Variants in NUP58 observed in about 807,000 individuals in gnomAD.
NUP58 encodes the protein nucleoporin 58, also known as nucleoporin p58/p45.
A neutral mutation model predicts 70.1 loss-of-function variants in NUP58; 17 were observed. That is an observed-to-expected ratio of 0.24 (90% confidence interval 0.17 to 0.36). The LOEUF (loss-of-function observed/expected upper bound fraction) is 0.36. Among genes scored for constraint, NUP58 ranks in the 10% least tolerant of loss-of-function variants. The pLI is 1.00. For synonymous variants in NUP58, 275 were observed against 257.6 expected, an observed-to-expected ratio of 1.07 and a Z score of -0.65; for missense variants, 644 against 701.5, an observed-to-expected ratio of 0.92 and a Z score of 0.93.
chr13:25,343,805 G>GTATATA (rs59054918), downstream of NUP58, among the ~76,000 whole-genome samples: 119 of 137,654 alleles, frequency 8.6e-4, no homozygotes, highest in East Asian at 2.4e-3. Context: ...ACATATATAT[G>GTATATA]TATATATATA....
chr13:25,328,827 T>G (rs2031501951), intron 12 of NUP58, among the ~76,000 whole-genome samples: 1 of 152,194 alleles, frequency 6.6e-6, no homozygotes, highest in Non-Finnish European at 1.5e-5. Context: ...GTGTATGTGG[T>G]CCAAAATACC....
At chr13:25,304,714 G>C (rs188685273) in intron 1 of NUP58, among the ~76,000 whole-genome samples, 2 of 151,326 alleles carry the variant, frequency 1.3e-5, no homozygotes, top group Admixed American at 1.3e-4. Flanking sequence ...ATTTTTAGTA[G>C]AGATGGGGTT....
intron 6 of NUP58, among the ~76,000 whole-genome samples, chr13:25,317,411 T>A (rs1442156024): frequency 1.3e-5 from 2 of 152,164 alleles, no homozygotes; most frequent in Non-Finnish European, 2.9e-5. Flanking sequence ...AGGCAAGAAT[T>A]GTCATGGAGA....
At position 25,315,392 on chromosome 13, in the gene NUP58, A is replaced by G. The variant is rs140165964; in HGVS notation, c.610A>G (p.Thr204Ala). Residue 204 changes from threonine (T) to alanine (A), a missense_variant, in exon 6 of 16, where the codon ACT becomes GCT. Around this residue, in one of 4 missense-constraint regions of NUP58, gnomAD observed 430 missense variants for 409.2 expected, o/e 1.05. Coordinates refer to ENST00000381736, the MANE Select transcript of NUP58 (RefSeq NM_014089.4). ...GAATGCTTTAGGGTTGACTTTGGGA[A>G]CTACAGCAGCTACTTCAACTGCAGG... is the stretch of plus-strand genomic sequence containing the variant. The part of the protein sequence containing the change: ...GQNALGLTLG[T>A]TAATSTAGNE... The G allele has an allele frequency of 1.9e-6, 3 of 1,613,878 alleles. No homozygotes were observed. In the African/African-American group the frequency reaches 4.0e-5, roughly 22 times the overall value.
chr13:25,334,042 T>G, intron 13 of NUP58: 9 of 866,370 alleles, frequency 1.0e-5, no homozygotes, highest in Non-Finnish European at 1.1e-5. Flanking sequence ...CCTCCTTCAA[T>G]TTTTTTTTTA....
At chr13:25,333,463 C>G (rs889976858) in intron 13 of NUP58, 44 of 985,298 alleles carry the variant, frequency 4.5e-5, no homozygotes, top group Non-Finnish European at 4.5e-5. Context: ...TAAGGGCTTT[C>G]TCATCAGATG....
chr13:25,303,207 T>C (rs2030120600), intron 1 of NUP58: 1 of 415,216 alleles, frequency 2.4e-6, no homozygotes, highest in Non-Finnish European at 4.7e-6. Context: ...TTACCCGCCA[T>C]CGTTAGAATG....
intron 13 of NUP58, chr13:25,333,254 C>G: frequency 1.0e-6 from 1 of 985,314 alleles, no homozygotes; most frequent in Non-Finnish European, 1.2e-6. Context: ...TGAGTGCCTA[C>G]TATGTGCTGG....
chr13:25,321,260 G>A (rs552147064), intron 9 of NUP58, among the ~76,000 whole-genome samples, 167 bp downstream of exon 9: 5 of 152,066 alleles, frequency 3.3e-5, no homozygotes, highest in South Asian at 2.1e-4. Flanking sequence ...TTTATTAAGC[G>A]TTTTCTGTAT....
chr13:25,314,178 C>A (rs1374130539), intron 5 of NUP58, among the ~76,000 whole-genome samples: 1 of 152,174 alleles, frequency 6.6e-6, no homozygotes, highest in African/African-American at 2.4e-5. Context: ...AGTGATCCGG[C>A]TGCCTTGGCC....
In NUP58 at chr13:25,313,525, G is replaced by C. The variant is rs927588356; in HGVS notation, c.437-89G>C. ...CCAAAGAGCCAATTTTATCATGGATGTCAGTTTTTAAAAACATCGTATTTG... is the reference window on the plus strand; with the variant it reads ...CCAAAGAGCCAATTTTATCATGGATCTCAGTTTTTAAAAACATCGTATTTG... On this transcript the variant is annotated intron_variant, in intron 4 of 15. Coordinates refer to ENST00000381736, the MANE Select transcript of NUP58 (RefSeq NM_014089.4). The C allele has an allele frequency of 6.7e-6, 8 of 1,201,486 alleles. No individual in the cohort carries two copies. The African/African-American group carries it at 7.9e-5, about 12-fold the overall frequency. 74.4% of individuals were successfully genotyped at this position (1,201,486 alleles called of 1,614,324 possible). A position where few individuals can be genotyped will look rare whatever the true frequency, so the allele number is the denominator to read the frequency against.
Position 25,340,209 on chromosome 13 carries a change from A to G in NUP58, c.*75A>G. The G allele has an allele frequency of 8.0e-7, 1 of 1,242,806 alleles. No individual in the cohort carries two copies. Among genetic ancestry groups the G allele is most frequent in the Non-Finnish European group, 1.1e-6 (1 of 935,052 alleles). The allele number at this position is 1,242,806 out of a possible 1,614,324, so 77.0% of individuals were successfully genotyped here. A position where few individuals can be genotyped will look rare whatever the true frequency, so the allele number is the denominator to read the frequency against. On this transcript the variant is annotated 3_prime_UTR_variant, in exon 16 of 16. Coordinates refer to ENST00000381736, the MANE Select transcript of NUP58 (RefSeq NM_014089.4). ...GAGTCTATTTTTCTAATGATGCAGT[A>G]ATTAAATTGCATCCCAGGAGATTTA...
At chr13:25,304,516 A>ATG (rs1566054515) in intron 1 of NUP58, among the ~76,000 whole-genome samples, 6 of 52,244 alleles carry the variant, frequency 1.1e-4, no homozygotes, top group African/African-American at 3.4e-4. Context: ...ATATATATAT[A>ATG]TGTATTTTTT....
At chr13:25,343,249 CACTT>C (rs1593206115), downstream of NUP58, among the ~76,000 whole-genome samples, 1 of 151,926 alleles carries the variant, frequency 6.6e-6, no homozygotes, top group East Asian at 1.9e-4. Flanking sequence ...GCTTAGCTCC[CACTT>C]AGAGAACATA....
intron 12 of NUP58, among the ~76,000 whole-genome samples, chr13:25,327,821 G>A (rs895603892): frequency 6.6e-6 from 1 of 152,002 alleles, no homozygotes; most frequent in Admixed American, 6.6e-5. Context: ...GGAGTTTGTT[G>A]TATGGTTGTA....
intron 13 of NUP58, chr13:25,332,077 CTG>C: frequency 1.0e-5 from 10 of 996,998 alleles, no homozygotes; most frequent in Non-Finnish European, 1.2e-5. Flanking sequence ...TGTATGTTGA[CTG>C]TAAACAGAAT....
intron 13 of NUP58, chr13:25,332,926 G>C (rs2031661817): frequency 2.0e-6 from 2 of 985,294 alleles, no homozygotes; most frequent in Non-Finnish European, 2.4e-6. Flanking sequence ...ACCAACCATA[G>C]TACTAGTTTA....
intron 3 of NUP58, among the ~76,000 whole-genome samples, chr13:25,312,546 T>G (rs2030720123): frequency 6.6e-6 from 1 of 152,176 alleles, no homozygotes; most frequent in Non-Finnish European, 1.5e-5. Context: ...TTTTGTATTT[T>G]AGCTAGAGGC....
chr13:25,316,969 T>C (rs145930839), intron 6 of NUP58, among the ~76,000 whole-genome samples: 48 of 152,348 alleles, frequency 3.2e-4, no homozygotes, highest in Non-Finnish European at 6.3e-4. Context: ...GGTGTGTTTC[T>C]ACTATGGATC....
Sources: gnomAD v4.1 joint callset for allele counts (sites outside exome capture counted in the v4.1 genomes callset) on GRCh38, gnomAD v4.1.1 for gene constraint, gnomAD v4.1.1 regional missense constraint, MANE v1.5 for transcripts, NCBI Gene and HGNC (gene_info 2026-07-23, HGNC 2026-07-21) for gene names.